The following ZNF100 variants were observed in gnomAD, a reference collection of about 807,000 sequenced individuals.
ZNF100 encodes the protein zinc finger protein 100 (Y1).
In ZNF100, 12 loss-of-function variants were observed where a neutral mutation model predicts 15.8. The ratio of observed to expected loss-of-function variants is 0.76; its 90% CI spans 0.49 to 1.23. The LOEUF (loss-of-function observed/expected upper bound fraction) is 1.23, where lower values mean the gene tolerates loss of function less well. Ranked by LOEUF, ZNF100 falls within the 50% of genes most tolerant of loss-of-function variation. The pLI, the probability that ZNF100 is intolerant of heterozygous loss-of-function variation, is 0.00. For synonymous variants in ZNF100, 226 were observed against 214.8 expected, an observed-to-expected ratio of 1.05 and a Z score of -0.45; for missense variants, 670 against 635.6, an observed-to-expected ratio of 1.05 and a Z score of -0.58.
chr19:21,755,699 C>T (rs12977947), intron 2 of ZNF100, among the ~76,000 whole-genome samples: 14,214 of 152,114 alleles, frequency 0.093, 894 homozygotes, highest in South Asian at 0.18. Context: ...CCATCAATGA[C>T]AGACTGGATA....
Position 21,723,373 on chromosome 19 carries a change from A to AAC in ZNF100, c.*3309_*3310insGT, listed in dbSNP as rs2035715875. On this transcript the variant is annotated 3_prime_UTR_variant, in exon 5 of 5. Transcript: ENST00000358296. ...GAGACTCTGTCTCAAAAAAAAAAAA[A>AAC]AAAAAAAAAACAACCAACTTTCTCG... 6.6e-6 allele frequency: 1 copy of AAC among 151,448 alleles called. No homozygotes were observed. The highest frequency in any genetic ancestry group is 2.4e-5 in the African/African-American group (1 of 41,250). The allele number at this position is 151,448 out of a possible 1,614,324, so 9.4% of individuals were successfully genotyped here.
intron 4 of ZNF100, among the ~76,000 whole-genome samples, chr19:21,742,166 G>A (rs1334265595): frequency 3.3e-5 from 5 of 151,574 alleles, no homozygotes; most frequent in East Asian, 1.9e-4. Flanking sequence ...GCGTGGTGGC[G>A]GGCACCTACA....
At chr19:21,728,932 AAAAC>A (rs2035864406) in intron 4 of ZNF100, among the ~76,000 whole-genome samples, 1 of 151,914 alleles carries the variant, frequency 6.6e-6, no homozygotes, top group African/African-American at 2.4e-5. Flanking sequence ...GAATATCAAA[AAAAC>A]AAATTGTGGA....
At chr19:21,760,949 A>G (rs1045726948) in intron 2 of ZNF100, among the ~76,000 whole-genome samples, 1 of 151,704 alleles carries the variant, frequency 6.6e-6, no homozygotes, top group Non-Finnish European at 1.5e-5. Flanking sequence ...TAGTACAGAC[A>G]GGGTTTCACC....
intron 4 of ZNF100, 48 bp downstream of exon 4, chr19:21,743,969 C>T (rs952793825): frequency 2.3e-5 from 35 of 1,542,066 alleles, no homozygotes; most frequent in Non-Finnish European, 3.1e-5. Flanking sequence ...TTCTTTTTGA[C>T]CTTTGGACCT....
intron 2 of ZNF100, among the ~76,000 whole-genome samples, chr19:21,762,341 CA>C (rs1361428314): frequency 3.3e-5 from 5 of 152,174 alleles, no homozygotes; most frequent in Non-Finnish European, 7.4e-5. Flanking sequence ...AGCTTGGTTC[CA>C]ACAAATGCCC....
chr19:21,759,710 C>T (rs951961732), intron 2 of ZNF100, among the ~76,000 whole-genome samples: 2 of 152,158 alleles, frequency 1.3e-5, no homozygotes, highest in Non-Finnish European at 2.9e-5. Flanking sequence ...CTGCTACACC[C>T]CCACCGGTGC....
chr19:21,731,226 AAG>A (rs1475739693), intron 4 of ZNF100, among the ~76,000 whole-genome samples: 5 of 152,130 alleles, frequency 3.3e-5, no homozygotes, highest in African/African-American at 9.7e-5. Context: ...TGTTTATATG[AAG>A]AGTTATTTTC....
intron 4 of ZNF100, among the ~76,000 whole-genome samples, chr19:21,732,781 A>G (rs2035942866): frequency 6.6e-6 from 1 of 152,034 alleles, no homozygotes; most frequent in Middle Eastern, 3.2e-3. Context: ...AAGACAAAAA[A>G]GGCTGAGAAC....
chr19:21,765,953 C>T (rs1418434824), intron 1 of ZNF100, among the ~76,000 whole-genome samples, 167 bp from the exon 2 acceptor site: 1 of 152,120 alleles, frequency 6.6e-6, no homozygotes, highest in East Asian at 1.9e-4. Flanking sequence ...AAATCAAAAC[C>T]TTGACCCAAA....
Position 21,767,548 on chromosome 19 carries a change from C to CATGAGGACACTTT in ZNF100, c.-120_-119insAAAGTGTCCTCAT. ...AGACACAGAGAAGTGAGAGCAAAACCTGGAGCTCCGGCTACAGCGAGAGAC... is the reference window on the plus strand; with the variant it reads ...AGACACAGAGAAGTGAGAGCAAAACCATGAGGACACTTTTGGAGCTCCGGCTACAGCGAGAGAC... On this transcript the variant is annotated 5_prime_UTR_variant, in exon 1 of 5. The change creates a new upstream start codon in the 5' untranslated region. Transcript: ENST00000358296. The CATGAGGACACTTT allele has an allele frequency of 2.7e-6, 4 of 1,454,836 alleles. No individual in the cohort carries two copies. The highest frequency in any genetic ancestry group is 2.8e-6 in the Non-Finnish European group (3 of 1,069,428). The allele number at this position is 1,454,836 out of a possible 1,614,324, so 90.1% of individuals were successfully genotyped here.
chr19:21,746,169 T>C (rs1482238448), intron 2 of ZNF100, among the ~76,000 whole-genome samples: 3 of 152,232 alleles, frequency 2.0e-5, no homozygotes, highest in African/African-American at 7.2e-5. Flanking sequence ...ATGTTGTGCT[T>C]ATGCACATAG....
At chr19:21,753,049 C>T (rs12459852) in intron 2 of ZNF100, 2 of 152,142 alleles carry the variant, frequency 1.3e-5, no homozygotes, top group Non-Finnish European at 2.9e-5. Context: ...CTCTTGAAGT[C>T]ACTCTTGACT....
At position 21,765,781 on chromosome 19, in the gene ZNF100, G is replaced by A. The variant is rs750137525; in HGVS notation, c.9C>T (p.Asp3=). 6.2e-7 allele frequency: 1 copy of A among 1,614,014 alleles called. No individual in the cohort carries two copies. The highest frequency in any genetic ancestry group is 1.1e-5 in the South Asian group (1 of 91,062). Residue 3 remains aspartate (D), a synonymous_variant, in exon 2 of 5, where the codon GAC becomes GAT. Coordinates refer to ENST00000358296, the MANE Select transcript of ZNF100 (RefSeq NM_173531.4). ...TGAGAGGACACATTCCATACCTCGG[G>A]TCATCCTACGGGAGAAAATAAACCA... is the stretch of plus-strand genomic sequence containing the variant. MD[D]PRYGMCPLKG...
At chr19:21,747,977 T>A (rs76903645) in intron 2 of ZNF100, among the ~76,000 whole-genome samples, 11 of 151,798 alleles carry the variant, frequency 7.2e-5, no homozygotes, top group African/African-American at 1.7e-4. Flanking sequence ...ATTGATTTTT[T>A]AAAAAAATGT....
Position 21,726,756 on chromosome 19 carries a change from C to A in ZNF100, c.1556G>T (p.Gly519Val). 3 of 1,611,584 alleles carry A rather than the reference C, an allele frequency of 1.9e-6. No individual in the cohort carries two copies. Among genetic ancestry groups the A allele is most frequent in the Middle Eastern group, 1.7e-4 (1 of 6,034 alleles). ...GEKSYKWEEC[G>V]KDFNQSLSLI... ...GCTTAGGGACTGGTTAAAGTCTTTA[C>A]CACATTCTTCCCATTTGTAAGATTT... Residue 519 changes from glycine to valine, a missense_variant, in exon 5 of 5, where the codon GGT (glycine) becomes GTT (valine). Gly to Val is a moderately radical substitution (Grantham distance 109). Transcript: ENST00000358296.
intron 4 of ZNF100, among the ~76,000 whole-genome samples, chr19:21,740,973 T>C (rs1185490883): frequency 6.6e-6 from 1 of 150,752 alleles, no homozygotes; most frequent in African/African-American, 2.5e-5. Flanking sequence ...TCTATGATTA[T>C]TGTACCAGTA....
chr19:21,748,137 A>G (rs2036243287), intron 2 of ZNF100, among the ~76,000 whole-genome samples: 1 of 152,250 alleles, frequency 6.6e-6, no homozygotes, highest in African/African-American at 2.4e-5. Flanking sequence ...TGTTTCTGTA[A>G]GCACTGGTTT....
rs10412066 is a variant in ZNF100, at chr19:21,767,535, G to A, written c.-106C>T. Reference sequence around the variant, plus strand: ...CCCTAGGAGCAGAAGACACAGAGAAGTGAGAGCAAAACCTGGAGCTCCGGC... The same window carrying A: ...CCCTAGGAGCAGAAGACACAGAGAAATGAGAGCAAAACCTGGAGCTCCGGC... On this transcript the variant is annotated 5_prime_UTR_variant, in exon 1 of 5. Transcript: ENST00000358296. 1.3e-6 allele frequency: 2 copies of A among 1,525,584 alleles called. No individual in the cohort carries two copies. The highest frequency in any genetic ancestry group is 1.4e-5 in the African/African-American group (1 of 71,634). 94.5% of individuals were successfully genotyped at this position (1,525,584 alleles called of 1,614,324 possible).
Sources: allele counts gnomAD v4.1 joint callset (sites outside exome capture counted in the v4.1 genomes callset), GRCh38; gene constraint gnomAD v4.1.1; transcripts MANE v1.5; gene names NCBI Gene and HGNC (gene_info 2026-07-23, HGNC 2026-07-21).